Variants in PRC1 observed in about 807,000 individuals in gnomAD.
PRC1 encodes anaphase spindle elongation 1 homolog.
In PRC1, 54 loss-of-function variants were observed where a neutral mutation model predicts 91.2. The observed-to-expected ratio is 0.59, with a 90% CI of 0.48 to 0.74. The LOEUF is 0.74. Ranked by LOEUF, PRC1 falls within the 30% of genes least tolerant of loss-of-function variation. PRC1 has a pLI of 0.00. For missense variants in PRC1, 727 were observed against 746.2 expected, an observed-to-expected ratio of 0.97 and a Z score of 0.30; for synonymous variants, 275 against 263.6, an observed-to-expected ratio of 1.04 and a Z score of -0.42.
intron 1 of PRC1, among the ~76,000 whole-genome samples, chr15:90,989,831 T>C (rs1365815995): frequency 6.6e-6 from 1 of 152,160 alleles, no homozygotes; most frequent in Non-Finnish European, 1.5e-5. Context: ...GTTCCGTTTT[T>C]ATGAAATATC....
At chr15:90,983,003 C>G (rs1356118680) in intron 3 of PRC1, among the ~76,000 whole-genome samples, 2 of 152,050 alleles carry the variant, frequency 1.3e-5, no homozygotes, top group Non-Finnish European at 2.9e-5. Flanking sequence ...TTTCATTTAA[C>G]ATTGTGAACT....
chr15:90,966,414 C>T lies in PRC1; in HGVS notation c.*717G>A. The T allele has an allele frequency of 5.8e-6, 2 of 345,904 alleles. No homozygotes were observed. The highest frequency in any genetic ancestry group is 4.3e-5 in the South Asian group (2 of 46,712). The allele number at this position is 345,904 out of a possible 1,614,324, so 21.4% of individuals were successfully genotyped here. On this transcript the variant is annotated 3_prime_UTR_variant, in exon 15 of 15. Transcript: ENST00000394249. ...TGGCAACTGCGGGGGTAGAAGAACT[C>T]AGGCAAAGTAGGCACAGGAATGGGG...
rs111790399 is a variant in PRC1 at position 90,990,525 on chromosome 15, C to T, written c.11+3882G>A. Among the ~76,000 whole-genome samples the T allele has an allele frequency of 4.7e-3, 706 of 151,334 alleles. 6 individuals are homozygous for T. Among genetic ancestry groups the T allele is most frequent in the African/African-American group, 0.016 (673 of 41,266 alleles). On this transcript the variant is annotated intron_variant, in intron 1 of 14. Coordinates refer to ENST00000394249, the MANE Select transcript of PRC1 (RefSeq NM_003981.4). ...ATAGGTGTGCGCCACCTTGCCTAGC[C>T]GAAAAGTAGATTTGTAGTTGCGGCT...
chr15:90,994,234 T>C (rs2040160517), intron 1 of PRC1, among the ~76,000 whole-genome samples, 173 bp downstream of exon 1: 1 of 152,062 alleles, frequency 6.6e-6, no homozygotes, highest in Admixed American at 6.5e-5. Flanking sequence ...GCCCTCGCAC[T>C]GGCTCGCCGC....
chr15:90,977,750 A>AT, intron 8 of PRC1, among the ~76,000 whole-genome samples: 1 of 151,570 alleles, frequency 6.6e-6, no homozygotes, highest in South Asian at 2.1e-4. Context: ...TGCCCGGCTA[A>AT]TTTTTTTGTA....
At position 90,984,610 on chromosome 15, in the gene PRC1, A is replaced by G; in HGVS notation, c.144+83T>C. The G allele has an allele frequency of 6.4e-7, 1 of 1,552,716 alleles. No individual in the cohort carries two copies. The highest frequency in any genetic ancestry group is 1.2e-5 in the South Asian group (1 of 84,338). On this transcript the variant is annotated intron_variant, in intron 2 of 14. Coordinates refer to ENST00000394249, the MANE Select transcript of PRC1 (RefSeq NM_003981.4). The surrounding 1 kb of genome is among the most constrained non-coding windows in gnomAD (Gnocchi z 5.1). ...GTGCTATCCTAATGCCGATGATCACATGTCCCTTCTGTATGCTATCTCGGG... is the reference window on the plus strand; with the variant it reads ...GTGCTATCCTAATGCCGATGATCACGTGTCCCTTCTGTATGCTATCTCGGG...
chr15:90,968,282 A>C (rs185237179), intron 14 of PRC1: 1 of 985,490 alleles, frequency 1.0e-6, no homozygotes, highest in East Asian at 1.1e-4. Context: ...CCAGCCACGT[A>C]ATTTGAAAAA....
At chr15:90,970,580 T>C (rs1326457264) in intron 11 of PRC1, 66 bp from the exon 12 acceptor site, 3 of 1,161,744 alleles carry the variant, frequency 2.6e-6, no homozygotes, top group Non-Finnish European at 3.8e-6. Flanking sequence ...GCAACCTGTC[T>C]ACCCTACAGA....
chr15:90,978,753 C>CAAAAA (rs869065052), intron 8 of PRC1, among the ~76,000 whole-genome samples: 1,748 of 39,578 alleles, frequency 0.044, 148 homozygotes, highest in South Asian at 0.087. Flanking sequence ...AACTCCACCT[C>CAAAAA]AAAAAAAAAA....
chr15:90,986,776 T>C (rs2039605825), intron 1 of PRC1, among the ~76,000 whole-genome samples: 1 of 152,118 alleles, frequency 6.6e-6, no homozygotes, highest in Non-Finnish European at 1.5e-5. Flanking sequence ...AGTATACAAT[T>C]GAAACTACCT....
At chr15:90,979,391 T>C in intron 7 of PRC1, 97 bp from the exon 8 acceptor site, 1 of 1,363,810 alleles carries the variant, frequency 7.3e-7, no homozygotes, top group Non-Finnish European at 1.0e-6. Flanking sequence ...ATAGATTCTT[T>C]CCTTATAGTA....
chr15:90,970,501 G>A lies in PRC1; in HGVS notation c.1475C>T (p.Thr492Ile). The A allele has an allele frequency of 6.2e-7, 1 of 1,611,702 alleles. No individual in the cohort carries two copies. Among genetic ancestry groups the A allele is most frequent in the Non-Finnish European group, 8.5e-7 (1 of 1,177,904 alleles). Residue 492 changes from threonine to isoleucine, a missense_variant, in exon 12 of 15, where the codon ACC becomes ATC. Coordinates refer to ENST00000394249, the MANE Select transcript of PRC1 (RefSeq NM_003981.4). ...ACTATTGGCCGTAGCATTGGACATG[G>A]TGGTAGTGTTCAGCTAGGGAGAAGA... ...PGKARKLNTT[T>I]MSNATANSSI...
In PRC1 at chr15:90,966,902, C is replaced by T. The variant is rs2037541094; in HGVS notation, c.*229G>A. ...CATATGCTAAAATTTGCACTTCTTGCCATAAACTTTTCATGTATATAAGTC... is the reference window on the plus strand; with the variant it reads ...CATATGCTAAAATTTGCACTTCTTGTCATAAACTTTTCATGTATATAAGTC... On this transcript the variant is annotated 3_prime_UTR_variant, in exon 15 of 15. Coordinates refer to ENST00000394249, the MANE Select transcript of PRC1 (RefSeq NM_003981.4). The T allele has an allele frequency of 1.8e-6, 1 of 566,060 alleles. No homozygotes were observed. 35.1% of individuals were successfully genotyped at this position (566,060 alleles called of 1,614,324 possible). A position where few individuals can be genotyped will look rare whatever the true frequency, so the allele number is the denominator to read the frequency against.
Position 90,967,069 on chromosome 15 carries a change from C to T in PRC1, c.*62G>A, listed in dbSNP as rs1354825865. The T allele has an allele frequency of 8.3e-6, 12 of 1,451,308 alleles. No individual in the cohort carries two copies. Among genetic ancestry groups the T allele is most frequent in the Admixed American group, 5.1e-5 (3 of 58,258 alleles). The allele number at this position is 1,451,308 out of a possible 1,614,324, so 89.9% of individuals were successfully genotyped here. On this transcript the variant is annotated 3_prime_UTR_variant, in exon 15 of 15. Transcript: ENST00000394249. Reference sequence around the variant, plus strand: ...AAGCTGAAGAAAAACTAAAGTCACCCCCATATAATTAGGTCCAGTCTAGGC... The same window carrying T: ...AAGCTGAAGAAAAACTAAAGTCACCTCCATATAATTAGGTCCAGTCTAGGC...
rs777558725 is a variant in PRC1, at chr15:90,977,576, G to GTTT, written c.1108-808_1108-806dup. Among the ~76,000 whole-genome samples, 162 of 95,480 alleles carry GTTT rather than the reference G, an allele frequency of 1.7e-3. 5 individuals are homozygous for GTTT. Among genetic ancestry groups the GTTT allele is most frequent in the African/African-American group, 2.8e-3 (65 of 22,822 alleles). 62.6% of individuals were successfully genotyped at this position (95,480 alleles called of 152,430 possible). The stretch of plus-strand genomic sequence containing the variant: ...GTTGCTGCCTTAGCTCCTTATTTAC[G>GTTT]TTTTTTTTTTTTTTTTTTTTTTTCT... On this transcript the variant is annotated intron_variant, in intron 8 of 14. Transcript: ENST00000394249.
intron 1 of PRC1, among the ~76,000 whole-genome samples, chr15:90,991,594 A>G (rs1027183208): frequency 6.6e-6 from 1 of 152,082 alleles, no homozygotes; most frequent in Non-Finnish European, 1.5e-5. Context: ...TCTTCCTAAC[A>G]TTCAAATTGT....
At chr15:90,969,656 CCTT>C in intron 12 of PRC1, 33 bp from the exon 13 acceptor site, 2 of 1,553,272 alleles carry the variant, frequency 1.3e-6, no homozygotes, top group Admixed American at 1.9e-5. Context: ...CATGTATCAT[CCTT>C]CTAATGAACG....
In PRC1 at chr15:90,981,826, A is replaced by G. The variant is rs748059982; in HGVS notation, c.423T>C (p.Asp141=). ...LCEILCMPHY[D]IDSASVPSLE... Reference sequence around the variant, plus strand: ...AGCTGGGCACTGAGGCACTGTCAATATCATAGTGGGGCATACAAAGAATTT... The same window carrying G: ...AGCTGGGCACTGAGGCACTGTCAATGTCATAGTGGGGCATACAAAGAATTT... Residue 141 remains aspartate, a synonymous_variant, in exon 4 of 15, where the codon GAT becomes GAC. Coordinates refer to ENST00000394249, the MANE Select transcript of PRC1 (RefSeq NM_003981.4). 1 of 1,614,228 alleles carries G rather than the reference A, an allele frequency of 6.2e-7. No individual in the cohort carries two copies. Among genetic ancestry groups the G allele is most frequent in the South Asian group, 1.1e-5 (1 of 91,084 alleles).
chr15:90,983,247 CA>C (rs2039345060), intron 3 of PRC1, among the ~76,000 whole-genome samples: 2 of 152,144 alleles, frequency 1.3e-5, no homozygotes, highest in Non-Finnish European at 2.9e-5. Flanking sequence ...AAGCTAACTC[CA>C]AATAGATATC....
Sources: gnomAD v4.1 joint callset for allele counts (sites outside exome capture counted in the v4.1 genomes callset) on GRCh38, gnomAD v4.1.1 for gene constraint, Gnocchi (gnomAD v3.1) non-coding constraint, MANE v1.5 for transcripts, NCBI Gene and HGNC (gene_info 2026-07-23, HGNC 2026-07-21) for gene names.